The following PXDNL variants were observed in gnomAD, a reference collection of about 807,000 sequenced individuals.
PXDNL encodes the protein probable oxidoreductase PXDNL.
In PXDNL, 145 loss-of-function variants were observed where a neutral mutation model predicts 150.8. The ratio of observed to expected loss-of-function variants is 0.96; its 90% CI spans 0.84 to 1.10. The LOEUF (loss-of-function observed/expected upper bound fraction) is 1.10, where lower values mean the gene tolerates loss of function less well. Among genes scored for constraint, PXDNL ranks in the 50% least tolerant of loss-of-function variants. PXDNL has a pLI of 0.00. For missense variants in PXDNL, 2,087 were observed against 1,873.9 expected (o/e 1.11, Z -2.10); for synonymous variants, 757 against 725.7 (o/e 1.04, Z -0.69).
At chr8:51,496,216 G>A (rs1440697198) in intron 5 of PXDNL, among the ~76,000 whole-genome samples, 8 of 152,178 alleles carry the variant, frequency 5.3e-5, no homozygotes, top group Non-Finnish European at 1.2e-4. Flanking sequence ...AAAGGCCTTT[G>A]ACAAAATTCA....
At chr8:51,569,094 T>A (rs1198148183) in intron 3 of PXDNL, among the ~76,000 whole-genome samples, 1 of 151,892 alleles carries the variant, frequency 6.6e-6, no homozygotes, top group Non-Finnish European at 1.5e-5. Flanking sequence ...CGAATCTGAG[T>A]CTAGTTCTGA....
At chr8:51,534,061 ATCCCATCTAGGAAGTGAGGCGTGTC>A (rs1309097624) in intron 4 of PXDNL, among the ~76,000 whole-genome samples, 1 of 137,632 alleles carries the variant, frequency 7.3e-6, no homozygotes, top group East Asian at 2.2e-4. Flanking sequence ...CCCCGCCGCC[ATCCCATCTAGGAAGTGAGGCGTGTC>A]TCTGCCCGGC....
intron 1 of PXDNL, among the ~76,000 whole-genome samples, chr8:51,756,803 T>A (rs143487969): frequency 1.1e-4 from 17 of 152,304 alleles, no homozygotes; most frequent in African/African-American, 3.8e-4. Flanking sequence ...TGTTTTTTTT[T>A]AATCTGTACT....
At chr8:51,466,245 C>T (rs1432439684) in intron 8 of PXDNL, among the ~76,000 whole-genome samples, 2 of 152,174 alleles carry the variant, frequency 1.3e-5, no homozygotes, top group Admixed American at 1.3e-4. Context: ...AATAAAACTG[C>T]ACCTCTACAT....
chr8:51,533,868 C>G lies in PXDNL; in HGVS notation c.380+22972G>C, dbSNP rs539351354. ...ACCTCCCAGCCGCCTGCCTTGGCCC[C>G]CTAAAGTGCCAAGATTGCAGCCTCT... On this transcript the variant is annotated intron_variant, in intron 4 of 22. Transcript: ENST00000356297. 1.1e-4 allele frequency among the ~76,000 whole-genome samples: 16 copies of G among 150,614 alleles called. No individual in the cohort carries two copies. In the South Asian group the frequency reaches 3.4e-3, roughly 32 times the overall value.
At chr8:51,385,603 A>G (rs1807683071) in intron 17 of PXDNL, among the ~76,000 whole-genome samples, 1 of 152,240 alleles carries the variant, frequency 6.6e-6, no homozygotes, top group East Asian at 1.9e-4. Context: ...CAGAAGGCAT[A>G]AACAGATATT....
At chr8:51,788,115 C>A (rs1445062412) in intron 1 of PXDNL, among the ~76,000 whole-genome samples, 1 of 152,214 alleles carries the variant, frequency 6.6e-6, no homozygotes, top group African/African-American at 2.4e-5. Context: ...GTAAACATAA[C>A]TTTTATATAT....
chr8:51,404,077 C>G (rs1255987972), intron 17 of PXDNL, among the ~76,000 whole-genome samples: 1 of 152,190 alleles, frequency 6.6e-6, no homozygotes, highest in Non-Finnish European at 1.5e-5. Context: ...CTTGTTCATT[C>G]TTCCTGGTGG....
intron 5 of PXDNL, among the ~76,000 whole-genome samples, chr8:51,489,415 A>C (rs1467361446): frequency 6.6e-6 from 1 of 152,160 alleles, no homozygotes; most frequent in Non-Finnish European, 1.5e-5. Context: ...TCCTAGGCTC[A>C]AGCAGTCCTC....
At chr8:51,616,376 A>G (rs1165676159) in intron 2 of PXDNL, among the ~76,000 whole-genome samples, 1 of 152,082 alleles carries the variant, frequency 6.6e-6, no homozygotes, top group Non-Finnish European at 1.5e-5. Flanking sequence ...ACGATGCCAT[A>G]CTCCCTACAA....
chr8:51,358,959 A>G (rs1021217471), intron 19 of PXDNL, among the ~76,000 whole-genome samples: 1 of 152,182 alleles, frequency 6.6e-6, no homozygotes, highest in African/African-American at 2.4e-5. Context: ...TCATGTTCAG[A>G]TTTCTGGCCG....
intron 5 of PXDNL, among the ~76,000 whole-genome samples, chr8:51,498,915 T>G (rs1811117888): frequency 6.6e-6 from 1 of 152,252 alleles, no homozygotes; most frequent in Non-Finnish European, 1.5e-5. Context: ...TTATATTTTA[T>G]GAATATACAA....
At chr8:51,755,805 C>T (rs1177293105) in intron 1 of PXDNL, among the ~76,000 whole-genome samples, 1 of 152,142 alleles carries the variant, frequency 6.6e-6, no homozygotes, top group Non-Finnish European at 1.5e-5. Context: ...GGGCATCTTT[C>T]TTGAGTCACT....
chr8:51,359,798 A>T (rs904051318), intron 19 of PXDNL, among the ~76,000 whole-genome samples: 1 of 152,142 alleles, frequency 6.6e-6, no homozygotes, highest in Non-Finnish European at 1.5e-5. Context: ...AGGGGAAAAA[A>T]AATCCAGACT....
chr8:51,680,860 G>A (rs772261100), intron 1 of PXDNL, among the ~76,000 whole-genome samples: 14 of 152,202 alleles, frequency 9.2e-5, no homozygotes, highest in East Asian at 3.9e-4. Flanking sequence ...GGTGGAACAC[G>A]TTCAGTTAAT....
intron 12 of PXDNL, among the ~76,000 whole-genome samples, chr8:51,428,816 GATCT>G (rs1347901238): frequency 6.6e-6 from 1 of 151,218 alleles, no homozygotes; most frequent in Non-Finnish European, 1.5e-5. Context: ...ATAAAAAATT[GATCT>G]ATTAAAGAAA....
chr8:51,659,727 A>G (rs1440868100), intron 1 of PXDNL, among the ~76,000 whole-genome samples: 9 of 152,132 alleles, frequency 5.9e-5, no homozygotes, highest in Non-Finnish European at 2.9e-5. Flanking sequence ...AGTGATAGAA[A>G]AGCCCAGGCC....
At chr8:51,340,630 C>G (rs1805959894) in intron 20 of PXDNL, among the ~76,000 whole-genome samples, 1 of 151,924 alleles carries the variant, frequency 6.6e-6, no homozygotes, top group African/African-American at 2.4e-5. Flanking sequence ...TAAAACAAGT[C>G]ATAAATCAGA....
rs138365915 is a variant in PXDNL, at chr8:51,491,949, A to G, written c.452+7750T>C. Among the ~76,000 whole-genome samples the G allele has an allele frequency of 5.3e-5, 8 of 152,362 alleles. No homozygotes were observed. In the East Asian group the frequency reaches 1.5e-3, roughly 29 times the overall value. ...ACACAGGTTAGAGCAGAAAAGGAGT[A>G]GTATAACACACTTTCCTACCTCATT... On this transcript the variant is annotated intron_variant, in intron 5 of 22. Coordinates refer to ENST00000356297, the MANE Select transcript of PXDNL (RefSeq NM_144651.5).
Sources: allele counts gnomAD v4.1 joint callset (sites outside exome capture counted in the v4.1 genomes callset), GRCh38; gene constraint gnomAD v4.1.1; transcripts MANE v1.5; gene names NCBI Gene and HGNC (gene_info 2026-07-23, HGNC 2026-07-21).